Variants in H3-3A observed in about 807,000 individuals in gnomAD.
H3-3A encodes the protein H3.3 histone A, also known as histone H3.3.
For missense variants in H3-3A, 7 were observed against 184.0 expected (o/e 0.04, Z 5.57); for synonymous variants, 49 against 61.4 (o/e 0.80, Z 0.95).
At chr1:226,065,876 GT>G (rs1657906896) in intron 3 of H3-3A, 67 bp downstream of exon 3, 1 of 1,174,050 alleles carries the variant, frequency 8.5e-7, no homozygotes, top group South Asian at 1.3e-5. Context: ...GTTCCAAATT[GT>G]TGCATGTGCT....
At chr1:226,062,432 G>A (rs977169805), upstream of H3-3A, among the ~76,000 whole-genome samples, 2 of 150,940 alleles carry the variant, frequency 1.3e-5, no homozygotes, top group African/African-American at 4.9e-5. Flanking sequence ...GGCGGGGGCT[G>A]GCCGGGTGCG....
intron 2 of H3-3A, among the ~76,000 whole-genome samples, chr1:226,064,895 C>T (rs556900910): frequency 1.3e-5 from 2 of 152,080 alleles, no homozygotes; most frequent in Non-Finnish European, 2.9e-5. Context: ...GTTCCTACCC[C>T]CTCATTTACT....
chr1:226,065,982 GA>G, intron 3 of H3-3A, 173 bp downstream of exon 3: 1 of 628,350 alleles, frequency 1.6e-6, no homozygotes, highest in South Asian at 1.9e-5. Flanking sequence ...CATACACGTA[GA>G]AAATGGCAAA....
chr1:226,065,384 T>G (rs940731475), intron 2 of H3-3A, among the ~76,000 whole-genome samples: 16 of 152,242 alleles, frequency 1.1e-4, no homozygotes, highest in Non-Finnish European at 1.6e-4. Context: ...AAGGTTTATA[T>G]ACATGAATAA....
intron 1 of H3-3A, among the ~76,000 whole-genome samples, chr1:226,063,321 G>T (rs1657801195): frequency 6.6e-6 from 1 of 151,872 alleles, no homozygotes; most frequent in Non-Finnish European, 1.5e-5. Context: ...TTTTTCCCCC[G>T]TTTCTCTCTT....
chr1:226,065,119 T>A (rs144702377), intron 2 of H3-3A, among the ~76,000 whole-genome samples: 6 of 152,288 alleles, frequency 3.9e-5, no homozygotes, highest in African/African-American at 1.4e-4. Context: ...TAAAAAAAAC[T>A]TTTCCACGTG....
intron 3 of H3-3A, among the ~76,000 whole-genome samples, chr1:226,068,055 C>G (rs770670134): frequency 1.4e-4 from 21 of 152,212 alleles, no homozygotes; most frequent in Non-Finnish European, 2.8e-4. Context: ...GTTGAATATA[C>G]TCAAAATGTC....
intron 3 of H3-3A, among the ~76,000 whole-genome samples, chr1:226,069,116 G>C (rs559875857): frequency 6.6e-6 from 1 of 150,680 alleles, no homozygotes; most frequent in African/African-American, 2.4e-5. Context: ...GTGCAATCTC[G>C]GCTTACTGCA....
intron 2 of H3-3A, among the ~76,000 whole-genome samples, chr1:226,064,888 C>T (rs1325062755): frequency 1.3e-5 from 2 of 152,086 alleles, no homozygotes; most frequent in Non-Finnish European, 2.9e-5. Context: ...TTATAAAGTT[C>T]CTACCCCCTC....
At chr1:226,067,269 GTTACTA>G (rs1657959972) in intron 3 of H3-3A, 1 of 152,016 alleles carries the variant, frequency 6.6e-6, no homozygotes, top group African/African-American at 2.4e-5. Flanking sequence ...AACTTCCATT[GTTACTA>G]TTACATATTT....
At chr1:226,068,284 T>A (rs1477555455) in intron 3 of H3-3A, among the ~76,000 whole-genome samples, 1 of 152,210 alleles carries the variant, frequency 6.6e-6, no homozygotes, top group Non-Finnish European at 1.5e-5. Context: ...GACACAATCC[T>A]TATAAACTAG....
chr1:226,069,232 A>G (rs998418628), intron 3 of H3-3A, among the ~76,000 whole-genome samples: 6 of 152,022 alleles, frequency 3.9e-5, no homozygotes, highest in African/African-American at 4.8e-5. Context: ...TTTTTAGTAG[A>G]GACAAGGTTT....
chr1:226,069,826 A>G (rs898780691), intron 3 of H3-3A, among the ~76,000 whole-genome samples: 2 of 152,078 alleles, frequency 1.3e-5, no homozygotes, highest in African/African-American at 2.4e-5. Context: ...GCAAGACTCA[A>G]ACCTCAAAAA....
At chr1:226,070,093 G>A (rs964694443) in intron 3 of H3-3A, among the ~76,000 whole-genome samples, 2 of 152,128 alleles carry the variant, frequency 1.3e-5, no homozygotes, top group African/African-American at 4.8e-5. Context: ...AGTACTAGAG[G>A]GCAACAAATG....
At chr1:226,069,197 C>T (rs1190006648) in intron 3 of H3-3A, among the ~76,000 whole-genome samples, 1 of 152,076 alleles carries the variant, frequency 6.6e-6, no homozygotes, top group Non-Finnish European at 1.5e-5. Context: ...CAGGCACATG[C>T]CACCACGCCC....
chr1:226,066,159 G>T (rs1374799917), intron 3 of H3-3A: 1 of 373,972 alleles, frequency 2.7e-6, no homozygotes, highest in Non-Finnish European at 4.8e-6. Flanking sequence ...GTCTATATTT[G>T]TAGTAACAAT....
intron 3 of H3-3A, among the ~76,000 whole-genome samples, chr1:226,069,455 CAACT>C (rs1476221180): frequency 6.6e-6 from 1 of 152,140 alleles, no homozygotes; most frequent in Non-Finnish European, 1.5e-5. Context: ...GAGAGAGAGC[CAACT>C]AACCTATCAT....
chr1:226,067,546 G>A (rs562057706), intron 3 of H3-3A, among the ~76,000 whole-genome samples: 3 of 152,114 alleles, frequency 2.0e-5, no homozygotes, highest in East Asian at 3.9e-4. Context: ...CCAGACCAGC[G>A]TGGCCAACAT....
At chr1:226,068,460 C>A (rs1398092288) in intron 3 of H3-3A, among the ~76,000 whole-genome samples, 1 of 152,158 alleles carries the variant, frequency 6.6e-6, no homozygotes, top group Admixed American at 6.5e-5. Flanking sequence ...TTTCTGTAAT[C>A]CCGAGGTGCC....
Sources: gnomAD v4.1 joint callset for allele counts (sites outside exome capture counted in the v4.1 genomes callset) on GRCh38, gnomAD v4.1.1 for gene constraint, MANE v1.5 for transcripts, NCBI Gene and HGNC (gene_info 2026-07-23, HGNC 2026-07-21) for gene names.